The following MAGT1 variants were observed in gnomAD, a reference collection of about 807,000 sequenced individuals.
The protein encoded by MAGT1 is dolichyl-diphosphooligosaccharide--protein glycosyltransferase subunit MAGT1.
MAGT1 carries 4 observed loss-of-function variants against 28.4 expected under a neutral mutation model. That is an observed-to-expected ratio of 0.14 (90% confidence interval 0.07 to 0.32). The LOEUF is 0.32. Among genes scored for constraint, MAGT1 ranks in the 10% least tolerant of loss-of-function variants. The pLI, the probability that MAGT1 is intolerant of heterozygous loss-of-function variation, is 1.00. For missense variants in MAGT1, 193 were observed against 264.5 expected (o/e 0.73, Z 1.88); for synonymous variants, 89 against 89.7 (o/e 0.99, Z 0.04).
At chrX:77,829,367 C>A in intron 9 of MAGT1, 132 bp from the exon 10 acceptor site, 1 of 467,329 alleles carries the variant, frequency 2.1e-6, no homozygotes, top group South Asian at 4.4e-5. Context: ...CTTTGGGTAT[C>A]AATAACAAAA....
At chrX:77,864,762 C>T (rs1434510754) in intron 3 of MAGT1, among the ~76,000 whole-genome samples, 9 of 109,963 alleles carry the variant, frequency 8.2e-5, no homozygotes, top group South Asian at 3.8e-4. Context: ...TGGAGTGCAG[C>T]GGCTCACTAC....
intron 2 of MAGT1, 41 bp downstream of exon 2, chrX:77,875,385 TTA>T: frequency 8.5e-7 from 1 of 1,173,072 alleles, no homozygotes; most frequent in South Asian, 1.8e-5. Context: ...ATGGTTAACG[TTA>T]TATGAGTTAT....
chrX:77,856,740 G>A lies in MAGT1; in HGVS notation c.665C>T (p.Ala222Val), dbSNP rs1557216028. The change falls in exon 5 of 10, where the codon GCA (alanine) becomes GTA (valine). Residue 222 changes from alanine (A) to valine (V), a missense_variant. Ala to Val is a moderately conservative substitution (Grantham distance 64). Transcript: ENST00000618282. Reference protein sequence around the residue: ...FLFNKTGWAFAALCFVLAMTS... With the variant: ...FLFNKTGWAFVALCFVLAMTS... Reference sequence around the variant, plus strand: ...CTTCTGAAATTCACTCACCAAAGCTGCAAAAGCCCATCCAGTTTTATTAAA... The same window carrying A: ...CTTCTGAAATTCACTCACCAAAGCTACAAAAGCCCATCCAGTTTTATTAAA... 1.7e-6 allele frequency: 2 copies of A among 1,208,684 alleles called. No individual in the cohort carries two copies. Among genetic ancestry groups the A allele is most frequent in the Non-Finnish European group, 2.2e-6 (2 of 893,312 alleles).
Position 77,829,099 on chromosome X carries a change from T to C in MAGT1, c.*121A>G. 1 of 596,727 alleles carries C rather than the reference T, an allele frequency of 1.7e-6. No individual in the cohort carries two copies. 49.2% of individuals were successfully genotyped at this position (596,727 alleles called of 1,213,427 possible). A position where few individuals can be genotyped will look rare whatever the true frequency, so the allele number is the denominator to read the frequency against. On this transcript the variant is annotated 3_prime_UTR_variant, in exon 10 of 10. Transcript: ENST00000618282. ...TTCTTTGGTTAAATGATTAACTATTTAAATCACTTGAAAAAAAGAGGTAAT... is the reference window on the plus strand; with the variant it reads ...TTCTTTGGTTAAATGATTAACTATTCAAATCACTTGAAAAAAAGAGGTAAT...
In MAGT1 at chrX:77,870,901, G is replaced by C. The variant is rs781860795; in HGVS notation, c.297C>G (p.Ile99Met). ...VCKQADEEFQ[I>M]LANSWRYSSA... ...TGGAGTATCGCCAGGAGTTTGCCAG[G>C]ATCTGGAATTCTTCATCAGCTTGCC... The change falls in exon 3 of 10, where the codon ATC (isoleucine) becomes ATG (methionine). Residue 99 changes from isoleucine (I) to methionine (M), a missense_variant. By Grantham distance (10) the Ile-to-Met change is conservative (BLOSUM62 1). Transcript: ENST00000618282. 5.0e-6 allele frequency: 6 copies of C among 1,206,207 alleles called. No individual in the cohort carries two copies. The South Asian group carries it at 7.0e-5, about 14-fold the overall frequency.
chrX:77,844,035 C>T (rs2076943085), intron 7 of MAGT1, among the ~76,000 whole-genome samples: 1 of 111,541 alleles, frequency 9.0e-6, no homozygotes, highest in African/African-American at 3.3e-5. Flanking sequence ...CCAGCTCCTC[C>T]TTGTACCTCT....
intron 3 of MAGT1, among the ~76,000 whole-genome samples, chrX:77,860,367 C>A (rs972178099): frequency 9.0e-6 from 1 of 111,088 alleles, no homozygotes; most frequent in African/African-American, 3.3e-5. Flanking sequence ...GCATTACAGG[C>A]GTGAGTCACC....
At chrX:77,886,328 T>C (rs2077067897) in intron 1 of MAGT1, among the ~76,000 whole-genome samples, 1 of 111,132 alleles carries the variant, frequency 9.0e-6, no homozygotes, top group South Asian at 3.7e-4. Context: ...GTGTGGTTGG[T>C]ATAAAGGAGC....
intron 1 of MAGT1, among the ~76,000 whole-genome samples, chrX:77,880,519 C>T (rs1403357354): frequency 1.8e-5 from 2 of 108,764 alleles, no homozygotes; most frequent in Non-Finnish European, 3.8e-5. Context: ...CAGAGCGACA[C>T]TCAGTCTCAA....
chrX:77,860,506 G>A (rs1353786935), intron 3 of MAGT1, among the ~76,000 whole-genome samples: 1 of 111,742 alleles, frequency 8.9e-6, no homozygotes, highest in East Asian at 2.8e-4. Context: ...AATAGTCTGG[G>A]CATGGTGGCT....
chrX:77,863,461 G>A (rs1377981037), intron 3 of MAGT1, among the ~76,000 whole-genome samples: 6 of 102,347 alleles, frequency 5.9e-5, no homozygotes, highest in African/African-American at 1.8e-4. Flanking sequence ...CTTGTAGTGA[G>A]CCGAGATCAC....
At chrX:77,843,377 C>G (rs960408876) in intron 7 of MAGT1, among the ~76,000 whole-genome samples, 2 of 111,566 alleles carry the variant, frequency 1.8e-5, no homozygotes, top group Admixed American at 1.9e-4. Flanking sequence ...TCTAGGACTA[C>G]AGGTGCATAC....
chrX:77,876,510 A>G (rs1318060946), intron 1 of MAGT1, among the ~76,000 whole-genome samples: 6 of 110,471 alleles, frequency 5.4e-5, no homozygotes, highest in African/African-American at 2.0e-4. Context: ...TGTAGCCACA[A>G]TAATTAAGAC....
chrX:77,845,533 C>T (rs782032101), intron 7 of MAGT1, among the ~76,000 whole-genome samples: 8 of 111,794 alleles, frequency 7.2e-5, no homozygotes, highest in Admixed American at 2.9e-4. Context: ...TTCCTAGCAT[C>T]AATGGTCTTT....
Position 77,826,780 on chromosome X carries a change from G to C in MAGT1, c.*2440C>G, listed in dbSNP as rs1337763481. On this transcript the variant is annotated 3_prime_UTR_variant, in exon 10 of 10. Coordinates refer to ENST00000618282, the MANE Select transcript of MAGT1 (RefSeq NM_001367916.1). ...TACAAATCAGGGCATCTTCATACAA[G>C]TCTCATAAGAACCACAGCATAGATT... 1 of 112,031 alleles carries C rather than the reference G, an allele frequency of 8.9e-6. No individual in the cohort carries two copies. The highest frequency in any genetic ancestry group is 9.6e-5 in the Admixed American group (1 of 10,442). 9.2% of individuals were successfully genotyped at this position (112,031 alleles called of 1,213,427 possible). A position where few individuals can be genotyped will look rare whatever the true frequency, so the allele number is the denominator to read the frequency against.
intron 1 of MAGT1, among the ~76,000 whole-genome samples, chrX:77,890,892 T>G (rs1450553311): frequency 9.0e-6 from 1 of 111,349 alleles, no homozygotes; most frequent in Non-Finnish European, 1.9e-5. Context: ...ACTACAGACT[T>G]TTTTGGAAAA....
At chrX:77,830,106 G>A (rs1221835176) in intron 9 of MAGT1, among the ~76,000 whole-genome samples, 1 of 112,325 alleles carries the variant, frequency 8.9e-6, no homozygotes, top group Non-Finnish European at 1.9e-5. Context: ...AGACTCGCTT[G>A]ATGCCAGAAG....
intron 7 of MAGT1, among the ~76,000 whole-genome samples, chrX:77,853,532 AC>A (rs2076973876): frequency 1.8e-5 from 2 of 112,010 alleles, no homozygotes; most frequent in South Asian, 7.3e-4. Flanking sequence ...CCTGATGTTG[AC>A]CCCTTTACAC....
chrX:77,864,879 T>G (rs1232097676), intron 3 of MAGT1, among the ~76,000 whole-genome samples: 1 of 110,728 alleles, frequency 9.0e-6, no homozygotes, highest in African/African-American at 3.3e-5. Flanking sequence ...ACCTGGCTAA[T>G]TTTTGTATTT....
Sources: allele counts gnomAD v4.1 joint callset (sites outside exome capture counted in the v4.1 genomes callset), GRCh38; gene constraint gnomAD v4.1.1; transcripts MANE v1.5; gene names NCBI Gene and HGNC (gene_info 2026-07-23, HGNC 2026-07-21).